Variants in CPEB3 observed in about 807,000 individuals in gnomAD.
CPEB3 encodes cytoplasmic polyadenylation element-binding protein 3.
CPEB3 carries 20 observed loss-of-function variants against 67.2 expected under a neutral mutation model. The observed-to-expected ratio is 0.30, with a 90% confidence interval of 0.21 to 0.43. The LOEUF is 0.43. Ranked by LOEUF, CPEB3 falls within the 20% of genes least tolerant of loss-of-function variation. The pLI is 1.00. For synonymous variants in CPEB3, 376 were observed against 393.1 expected (o/e 0.96, Z 0.51); for missense variants, 746 against 968.6 (o/e 0.77, Z 3.05).
At chr10:92,201,066 A>AT (rs1299365270) in intron 2 of CPEB3, among the ~76,000 whole-genome samples, 1 of 152,150 alleles carries the variant, frequency 6.6e-6, no homozygotes, top group African/African-American at 2.4e-5. Flanking sequence ...AAAAGGAGTG[A>AT]TTTTTCCAGT....
intron 2 of CPEB3, chr10:92,216,322 G>T: frequency 6.3e-7 from 1 of 1,586,430 alleles, no homozygotes; most frequent in Non-Finnish European, 8.6e-7. Context: ...AGGTTTCAGC[G>T]GCCGCTGCGA....
chr10:92,128,875 C>T (rs187112306), intron 6 of CPEB3, among the ~76,000 whole-genome samples: 160 of 152,262 alleles, frequency 1.1e-3, no homozygotes, highest in African/African-American at 3.5e-3. Context: ...GAAAAAGGAA[C>T]GCTTATACAC....
intron 1 of CPEB3, among the ~76,000 whole-genome samples, chr10:92,259,532 C>T (rs1852697339): frequency 1.3e-5 from 2 of 151,082 alleles, no homozygotes; most frequent in Non-Finnish European, 2.9e-5. Context: ...ACCCGGGAGG[C>T]GGAAGTTGCA....
At chr10:92,128,624 T>C (rs1255064106) in intron 6 of CPEB3, among the ~76,000 whole-genome samples, 1 of 152,144 alleles carries the variant, frequency 6.6e-6, no homozygotes, top group East Asian at 1.9e-4. Flanking sequence ...ATATCCAGCA[T>C]CTGTAAGGAA....
intron 4 of CPEB3, among the ~76,000 whole-genome samples, chr10:92,171,962 C>G (rs537173787): frequency 6.6e-6 from 1 of 152,202 alleles, no homozygotes; most frequent in South Asian, 2.1e-4. Context: ...CACTACACAA[C>G]CTTACCATTT....
intron 6 of CPEB3, among the ~76,000 whole-genome samples, chr10:92,138,999 C>G (rs1446871532): frequency 6.6e-6 from 1 of 152,126 alleles, no homozygotes; most frequent in African/African-American, 2.4e-5. Context: ...GGTATGTGAC[C>G]AGGCACGGTG....
intron 7 of CPEB3, among the ~76,000 whole-genome samples, chr10:92,093,053 CAAAACCTTAA>C (rs1366125351): frequency 6.6e-6 from 1 of 152,032 alleles, no homozygotes; most frequent in Non-Finnish European, 1.5e-5. Context: ...GTTTTATATA[CAAAACCTTAA>C]AACATATTAT....
At chr10:92,153,833 T>C (rs1034278673) in intron 4 of CPEB3, among the ~76,000 whole-genome samples, 2 of 152,172 alleles carry the variant, frequency 1.3e-5, no homozygotes, top group Admixed American at 6.6e-5. Context: ...TGTCTACTTA[T>C]GGACAAGAGT....
At chr10:92,098,112 G>A (rs1261921778) in intron 7 of CPEB3, among the ~76,000 whole-genome samples, 1 of 116,012 alleles carries the variant, frequency 8.6e-6, no homozygotes, top group Non-Finnish European at 1.6e-5. Context: ...GGTGAGCCAA[G>A]ATCGCGCCAT....
rs570300661 is a variant in CPEB3, at chr10:92,272,532, T to C, written c.-12+18394A>G. Among the ~76,000 whole-genome samples the C allele has an allele frequency of 5.6e-4, 86 of 152,314 alleles. 1 individual carries two copies. The highest frequency in any genetic ancestry group is 1.6e-3 in the African/African-American group (66 of 41,568). ...CTATCTATAAACTCAAGAGTGTGTA[T>C]TGATATCTTCAATTCTAATCCAACA... is the stretch of plus-strand genomic sequence containing the variant. On this transcript the variant is annotated intron_variant, in intron 1 of 9. Coordinates refer to ENST00000265997, the MANE Select transcript of CPEB3 (RefSeq NM_014912.5).
rs775731548 is a variant in CPEB3, at chr10:92,052,202, G to A, written c.*10C>T. The A allele has an allele frequency of 1.2e-5, 19 of 1,602,458 alleles. No individual in the cohort carries two copies. Among genetic ancestry groups the A allele is most frequent in the Non-Finnish European group, 1.6e-5 (19 of 1,170,886 alleles). ...CTACTCCAGTACTTGTGGCTGGGTC[G>A]GCCCGTGGCTCAGCTCCAGCGGAAC... On this transcript the variant is annotated 3_prime_UTR_variant, in exon 10 of 10. Coordinates refer to ENST00000265997, the MANE Select transcript of CPEB3 (RefSeq NM_014912.5).
chr10:92,187,789 A>C (rs1271396462), intron 3 of CPEB3, among the ~76,000 whole-genome samples: 4 of 152,176 alleles, frequency 2.6e-5, no homozygotes, highest in Non-Finnish European at 1.5e-5. Context: ...CTTAATCCTC[A>C]TAGTTATGAA....
rs532692565 is a variant in CPEB3, at chr10:92,047,356, T to C, written c.*4856A>G. 6.6e-6 allele frequency: 1 copy of C among 152,176 alleles called. No individual in the cohort carries two copies. The highest frequency in any genetic ancestry group is 1.9e-4 in the East Asian group (1 of 5,182). The allele number at this position is 152,176 out of a possible 1,614,324, so 9.4% of individuals were successfully genotyped here. On this transcript the variant is annotated 3_prime_UTR_variant, in exon 10 of 10. Coordinates refer to ENST00000265997, the MANE Select transcript of CPEB3 (RefSeq NM_014912.5). ...AAGCCAGTTTTAACAAAAAGATACA[T>C]TTTTTTCACTAATCTGTGACTAATC...
At chr10:92,213,911 C>T (rs1295010329) in intron 2 of CPEB3, among the ~76,000 whole-genome samples, 1 of 152,120 alleles carries the variant, frequency 6.6e-6, no homozygotes, top group African/African-American at 2.4e-5. Flanking sequence ...ATTTAAACTC[C>T]AGAATTACAG....
intron 7 of CPEB3, among the ~76,000 whole-genome samples, chr10:92,100,947 T>A (rs968293354): frequency 9.2e-5 from 14 of 152,188 alleles, no homozygotes; most frequent in Non-Finnish European, 2.1e-4. Context: ...TAACCACATA[T>A]CCCTACAGCT....
At chr10:92,254,586 TG>T (rs1311008517) in intron 1 of CPEB3, among the ~76,000 whole-genome samples, 3 of 152,204 alleles carry the variant, frequency 2.0e-5, no homozygotes, top group African/African-American at 7.2e-5. Context: ...CATAATTTTA[TG>T]AAGGGCCTCC....
chr10:92,223,693 C>T (rs1280753356), intron 2 of CPEB3, among the ~76,000 whole-genome samples: 1 of 150,862 alleles, frequency 6.6e-6, no homozygotes, highest in Non-Finnish European at 1.5e-5. Context: ...CCTGCCTCAG[C>T]CCCTCAAGCA....
chr10:92,251,930 G>C (rs1852317298), intron 1 of CPEB3, among the ~76,000 whole-genome samples: 1 of 145,538 alleles, frequency 6.9e-6, no homozygotes, highest in Non-Finnish European at 1.5e-5. Context: ...GTCACAGCAA[G>C]ACTCCATCTC....
intron 4 of CPEB3, among the ~76,000 whole-genome samples, chr10:92,177,309 G>C (rs1848264859): frequency 6.6e-6 from 1 of 152,148 alleles, no homozygotes. Context: ...TAAGTAGAAG[G>C]GGTATATTGC....
Sources: gnomAD v4.1 joint callset for allele counts (sites outside exome capture counted in the v4.1 genomes callset) on GRCh38, gnomAD v4.1.1 for gene constraint, MANE v1.5 for transcripts, NCBI Gene and HGNC (gene_info 2026-07-23, HGNC 2026-07-21) for gene names.